Variants in UBQLN1 observed in about 807,000 individuals in gnomAD.
UBQLN1 encodes ubiquilin-1.
A neutral mutation model predicts 65.4 loss-of-function variants in UBQLN1; 13 were observed. The observed-to-expected ratio is 0.20, with a 90% CI of 0.13 to 0.32. UBQLN1 has a LOEUF of 0.32. Ranked by LOEUF, UBQLN1 falls within the 10% of genes least tolerant of loss-of-function variation. The pLI is 1.00. For synonymous variants in UBQLN1, 267 were observed against 247.8 expected, an observed-to-expected ratio of 1.08 and a Z score of -0.73; for missense variants, 561 against 724.0, an observed-to-expected ratio of 0.77 and a Z score of 2.58.
intron 1 of UBQLN1, among the ~76,000 whole-genome samples, chr9:83,690,101 C>T (rs577911497): frequency 6.6e-6 from 1 of 152,096 alleles, no homozygotes. Context: ...CCCTATGACC[C>T]AACAATTCCA....
At chr9:83,696,972 T>C (rs920942616) in intron 1 of UBQLN1, among the ~76,000 whole-genome samples, 3 of 152,158 alleles carry the variant, frequency 2.0e-5, no homozygotes, top group Admixed American at 2.0e-4. Context: ...TACAGAGTAT[T>C]GCTATGTTGC....
At chr9:83,697,738 T>G (rs1042496815) in intron 1 of UBQLN1, among the ~76,000 whole-genome samples, 1 of 141,674 alleles carries the variant, frequency 7.1e-6, no homozygotes, top group Non-Finnish European at 1.5e-5. Context: ...GTACCCTTTT[T>G]TTTTTTTTTT....
In UBQLN1 at chr9:83,660,748, C is replaced by G. The variant is rs977645459; in HGVS notation, c.*1039G>C. ...TCTTAATAGAACTACCAAAACACTT[C>G]AGAAACAATTGGCTCACAACTCATT... On this transcript the variant is annotated 3_prime_UTR_variant, in exon 11 of 11. Transcript: ENST00000376395. The G allele has an allele frequency of 9.7e-5, 14 of 144,522 alleles. No individual in the cohort carries two copies. Among genetic ancestry groups the G allele is most frequent in the African/African-American group, 3.6e-4 (14 of 39,162 alleles). The allele number at this position is 144,522 out of a possible 1,614,324, so 9.0% of individuals were successfully genotyped here.
At chr9:83,669,353 A>G (rs1831694728) in intron 6 of UBQLN1, 26 bp from the exon 7 acceptor site, 3 of 1,566,320 alleles carry the variant, frequency 1.9e-6, no homozygotes, top group Non-Finnish European at 2.6e-6. Context: ...TAAAAAAGAC[A>G]TATTAAGGAA....
At chr9:83,683,791 G>A (rs573694677) in intron 2 of UBQLN1, among the ~76,000 whole-genome samples, 7 of 152,250 alleles carry the variant, frequency 4.6e-5, no homozygotes, top group African/African-American at 1.7e-4. Context: ...GCGAGGCCGA[G>A]GCAGGCGATC....
At chr9:83,676,689 G>C (rs943736364) in intron 6 of UBQLN1, among the ~76,000 whole-genome samples, 22 of 152,220 alleles carry the variant, frequency 1.4e-4, no homozygotes, top group African/African-American at 5.3e-4. Flanking sequence ...TTTCAGCAAT[G>C]AATTTTTAAA....
At chr9:83,676,569 G>A (rs1319325155) in intron 6 of UBQLN1, among the ~76,000 whole-genome samples, 2 of 152,006 alleles carry the variant, frequency 1.3e-5, no homozygotes, top group Non-Finnish European at 2.9e-5. Context: ...TATTACTTCA[G>A]GTTTTACAAA....
At chr9:83,676,127 T>C (rs1831827989) in intron 6 of UBQLN1, among the ~76,000 whole-genome samples, 1 of 152,178 alleles carries the variant, frequency 6.6e-6, no homozygotes, top group African/African-American at 2.4e-5. Context: ...GAGTCAAGAA[T>C]TTCATCTTTA....
rs938757427 is a variant in UBQLN1, at chr9:83,670,563, T to C, written c.1106-1236A>G. Among the ~76,000 whole-genome samples, 7 of 152,248 alleles carry C rather than the reference T, an allele frequency of 4.6e-5. No homozygotes were observed. The South Asian group carries it at 1.0e-3, about 23-fold the overall frequency. On this transcript the variant is annotated intron_variant, in intron 6 of 10. Coordinates refer to ENST00000376395, the MANE Select transcript of UBQLN1 (RefSeq NM_013438.5). Reference sequence around the variant, plus strand: ...TCGGTCTAAAAAAAAACTCTGCACATAAATATAAAAATACTTTATTGCCGA... The same window carrying C: ...TCGGTCTAAAAAAAAACTCTGCACACAAATATAAAAATACTTTATTGCCGA...
At chr9:83,705,244 T>C (rs1832380209) in intron 1 of UBQLN1, among the ~76,000 whole-genome samples, 1 of 82,624 alleles carries the variant, frequency 1.2e-5, no homozygotes, top group Non-Finnish European at 2.2e-5. Flanking sequence ...AAGCCAGCAC[T>C]CCTTTTTTTT....
intron 1 of UBQLN1, among the ~76,000 whole-genome samples, chr9:83,703,577 C>T (rs1832347170): frequency 6.6e-6 from 1 of 152,052 alleles, no homozygotes; most frequent in Non-Finnish European, 1.5e-5. Context: ...AAGCATTTCC[C>T]ATAAGGGATA....
In UBQLN1 at chr9:83,664,024, C is replaced by A. The variant is rs1333332575; in HGVS notation, c.1468G>T (p.Ala490Ser). The A allele has an allele frequency of 1.2e-6, 2 of 1,613,482 alleles. No individual in the cohort carries two copies. Among genetic ancestry groups the A allele is most frequent in the African/African-American group, 1.3e-5 (1 of 74,894 alleles). Residue 490 changes from alanine to serine, a missense_variant, in exon 10 of 11, where the codon GCA becomes TCA. By Grantham distance (99) the Ala-to-Ser change is moderately conservative. Around this residue, in one of 8 missense-constraint regions of UBQLN1, gnomAD observed 68 missense variants for 62.2 expected, o/e 1.09. Transcript: ENST00000376395. The stretch of plus-strand genomic sequence containing the variant: ...GAAGAGCCTCCAGTGCTTCCTAATG[C>A]CCCCAAGCCAGGAGTAAACCTACAG... Reference protein sequence around the residue: ...LIPGFTPGLGALGSTGGSSGT... With the variant: ...LIPGFTPGLGSLGSTGGSSGT...
intron 1 of UBQLN1, among the ~76,000 whole-genome samples, chr9:83,687,737 C>T (rs910598618): frequency 1.3e-5 from 2 of 152,046 alleles, no homozygotes; most frequent in East Asian, 3.9e-4. Flanking sequence ...TGTGTATGAA[C>T]AAAATTTTCC....
intron 7 of UBQLN1, 31 bp downstream of exon 7, chr9:83,669,152 GCA>G (rs775313033): frequency 1.9e-6 from 3 of 1,593,430 alleles, no homozygotes; most frequent in South Asian, 1.2e-5. Context: ...AATTCACACT[GCA>G]CAGTCTTTTT....
chr9:83,679,174 G>A (rs936219558), intron 4 of UBQLN1, among the ~76,000 whole-genome samples: 6 of 152,212 alleles, frequency 3.9e-5, no homozygotes, highest in East Asian at 1.9e-4. Context: ...TGCAGTCAAC[G>A]TGAGTCACTG....
Position 83,668,240 on chromosome 9 carries a change from G to A in UBQLN1, c.1248+945C>T, listed in dbSNP as rs1831674234. On this transcript the variant is annotated intron_variant, in intron 7 of 10. Coordinates refer to ENST00000376395, the MANE Select transcript of UBQLN1 (RefSeq NM_013438.5). ...TGGTGAGGGCATAAGTTATTACTGA[G>A]AATTATACACAAAGATACCTGAATC... The A allele has an allele frequency of 3.0e-6, 3 of 984,720 alleles. No individual in the cohort carries two copies. The East Asian group carries it at 3.4e-4, about 112-fold the overall frequency. 61.0% of individuals were successfully genotyped at this position (984,720 alleles called of 1,614,324 possible). A position where few individuals can be genotyped will look rare whatever the true frequency, so the allele number is the denominator to read the frequency against.
rs146724128 is a variant in UBQLN1, at chr9:83,677,768, C to A, written c.1064G>T (p.Gly355Val). 5.9e-3 allele frequency: 9,596 copies of A among 1,614,118 alleles called. 34 individuals are homozygous for A. The highest frequency in any genetic ancestry group is 0.018 in the Middle Eastern group (112 of 6,062). The change falls in exon 6 of 11, where the codon GGG becomes GTG. Residue 355 changes from glycine to valine, a missense_variant. Gly to Val is a moderately radical substitution (Grantham distance 109). Transcript: ENST00000376395. ...TTGSTASGTS[G>V]QSTTAPNLVP... ...CAAATTTGGCGCAGTAGTACTCTGCCCAGAAGTGCCACTGGCAGTACTACC... is the reference window on the plus strand; with the variant it reads ...CAAATTTGGCGCAGTAGTACTCTGCACAGAAGTGCCACTGGCAGTACTACC...
chr9:83,686,663 G>A (rs764619977), intron 1 of UBQLN1, among the ~76,000 whole-genome samples: 1 of 152,116 alleles, frequency 6.6e-6, no homozygotes, highest in Admixed American at 6.6e-5. Flanking sequence ...CCATTCCTCA[G>A]ACTTCTATCT....
intron 2 of UBQLN1, among the ~76,000 whole-genome samples, chr9:83,683,431 A>G (rs1831983230): frequency 6.6e-6 from 1 of 151,408 alleles, no homozygotes; most frequent in Non-Finnish European, 1.5e-5. Flanking sequence ...AAAAAAAAAA[A>G]AAAAAGAACC....
Sources: allele counts gnomAD v4.1 joint callset (sites outside exome capture counted in the v4.1 genomes callset), GRCh38; gene constraint gnomAD v4.1.1; regional missense constraint gnomAD v4.1.1; transcripts MANE v1.5; gene names NCBI Gene and HGNC (gene_info 2026-07-23, HGNC 2026-07-21).